MYBBP1A: variants seen among roughly 807,000 people sequenced by gnomAD.
MYBBP1A encodes the protein MYB binding protein 1a.
MYBBP1A carries 147 observed loss-of-function variants against 136.3 expected under a neutral mutation model. The ratio of observed to expected loss-of-function variants is 1.08; its 90% confidence interval spans 0.94 to 1.24. MYBBP1A has a LOEUF of 1.24. Ranked by LOEUF, MYBBP1A falls within the 50% of genes most tolerant of loss-of-function variation. The probability of loss-of-function intolerance (pLI) is 0.00; values close to 1 mark genes in which losing one functional copy is unlikely to be tolerated. For missense variants in MYBBP1A, 2,060 were observed against 1,727.4 expected, an observed-to-expected ratio of 1.19 and a Z score of -3.41; for synonymous variants, 947 against 735.8, an observed-to-expected ratio of 1.29 and a Z score of -4.65.
chr17:4,541,384 G>T, intron 24 of MYBBP1A, 79 bp downstream of exon 24: 2 of 1,257,398 alleles, frequency 1.6e-6, no homozygotes, highest in Non-Finnish European at 1.2e-6. Flanking sequence ...TCCAGCCCGG[G>T]CATGGCACTG....
At position 4,545,294 on chromosome 17, in the gene MYBBP1A, C is replaced by T; in HGVS notation, c.2125G>A (p.Asp709Asn). Residue 709 changes from aspartate to asparagine, a missense_variant, in exon 16 of 26, where the codon GAC (aspartate) becomes AAC (asparagine). Asp to Asn is a conservative substitution (Grantham distance 23, BLOSUM62 1). Coordinates refer to ENST00000254718, the MANE Select transcript of MYBBP1A (RefSeq NM_014520.4). ...TTCAGCCGCCGCTCATCAGAATCGT[C>T]CGTCACCACCACACGGTCATTCTCA... is the stretch of plus-strand genomic sequence containing the variant. ...EDENDRVVVTDDSDERRLKGA... is the reference protein window; with the variant it reads ...EDENDRVVVTNDSDERRLKGA... 6.2e-7 allele frequency: 1 copy of T among 1,613,192 alleles called. No homozygotes were observed. Among genetic ancestry groups the T allele is most frequent in the African/African-American group, 1.3e-5 (1 of 74,870 alleles).
chr17:4,555,055 C>A (rs928885187), intron 1 of MYBBP1A, 72 bp downstream of exon 1: 12 of 1,580,470 alleles, frequency 7.6e-6, no homozygotes, highest in Non-Finnish European at 9.5e-6. Flanking sequence ...CCCCCAGTCT[C>A]AACTCCCTGG....
In MYBBP1A at chr17:4,555,217, C is replaced by T. The variant is rs769780575; in HGVS notation, c.108G>A (p.Leu36=). 4.3e-6 allele frequency: 7 copies of T among 1,611,746 alleles called. No homozygotes were observed. The highest frequency in any genetic ancestry group is 5.9e-6 in the Non-Finnish European group (7 of 1,179,374). ...YGLLKHSREF[L]DFFWDIAKPE... ...GCTTCGCAATGTCCCAGAAGAAGTC[C>T]AAGAACTCGCGACTGTGCTTCAATA... The change falls in exon 1 of 26, where the codon TTG becomes TTA. Residue 36 remains leucine, a synonymous_variant. Coordinates refer to ENST00000254718, the MANE Select transcript of MYBBP1A (RefSeq NM_014520.4).
chr17:4,540,212 G>T, intron 25 of MYBBP1A, 136 bp downstream of exon 25: 1 of 1,305,058 alleles, frequency 7.7e-7, no homozygotes, highest in Non-Finnish European at 1.0e-6. Flanking sequence ...GAATGCGCTT[G>T]AGTGCATGTG....
chr17:4,548,019 G>T lies in MYBBP1A; in HGVS notation c.1763C>A (p.Ala588Glu). The T allele has an allele frequency of 6.5e-7, 1 of 1,549,176 alleles. No individual in the cohort carries two copies. Residue 588 changes from alanine to glutamate, a missense_variant, in exon 13 of 26, where the codon GCA (alanine) becomes GAA (glutamate). By Grantham distance (107) the Ala-to-Glu change is moderately radical. Transcript: ENST00000254718. This position sits in a 1 kb window ranked among gnomAD's most constrained non-coding sequence, Gnocchi z 4.2. Reference sequence around the variant, plus strand: ...CTGGAAGGCAGCAGCCCTGGCCTCTGCGGAGTGGGCCTCCAGCTCCTTCAG... The same window carrying T: ...CTGGAAGGCAGCAGCCCTGGCCTCTTCGGAGTGGGCCTCCAGCTCCTTCAG... ...QTLKELEAHS[A>E]EARAAAFQHL...
In MYBBP1A at chr17:4,541,894, G is replaced by T. The variant is rs774746004; in HGVS notation, c.3088-3C>A. 2 of 1,612,144 alleles carry T rather than the reference G, an allele frequency of 1.2e-6. No homozygotes were observed. The highest frequency in any genetic ancestry group is 2.7e-5 in the African/African-American group (2 of 74,930). ...GTCTTCTGGAGCAGCAGGCAGGCCTGTGGGTGGGCAAAGGTGGGTGGCAGG... is the reference window on the plus strand; with the variant it reads ...GTCTTCTGGAGCAGCAGGCAGGCCTTTGGGTGGGCAAAGGTGGGTGGCAGG... On this transcript the variant is annotated splice_polypyrimidine_tract_variant and splice_region_variant and intron_variant, in intron 22 of 25. Transcript: ENST00000254718.
In MYBBP1A at chr17:4,550,116, A is replaced by G; in HGVS notation, c.1261T>C (p.Ser421Pro). Residue 421 changes from serine (S) to proline (P), a missense_variant, in exon 9 of 26, where the codon TCC becomes CCC. Transcript: ENST00000254718. ...RAMFLQPDLD[S>P]LVDFSTNNQK... ...TTGTTGGTGCTGAAGTCAACCAAGG[A>G]GTCCAGGTCTGGCTGGAGAAACATG... 6.2e-7 allele frequency: 1 copy of G among 1,614,030 alleles called. No homozygotes were observed. The highest frequency in any genetic ancestry group is 8.5e-7 in the Non-Finnish European group (1 of 1,180,002).
chr17:4,549,273 G>T (rs1385763403), intron 10 of MYBBP1A, 59 bp downstream of exon 10: 9 of 1,527,450 alleles, frequency 5.9e-6, no homozygotes, highest in Non-Finnish European at 8.0e-6. Flanking sequence ...GACGAGTTAA[G>T]GGGCCCCATT....
chr17:4,553,645 A>C (rs192220700), intron 5 of MYBBP1A, among the ~76,000 whole-genome samples, 165 bp downstream of exon 5: 1 of 152,370 alleles, frequency 6.6e-6, no homozygotes, highest in Admixed American at 6.5e-5. Context: ...ATGTTACTAA[A>C]TGACACCTGT....
chr17:4,554,806 A>G, intron 2 of MYBBP1A, 55 bp downstream of exon 2: 1 of 1,558,024 alleles, frequency 6.4e-7, no homozygotes, highest in Non-Finnish European at 8.8e-7. Context: ...CGCCCTCCTC[A>G]TACCCCACCA....
chr17:4,544,702 G>T (rs1567606891), intron 18 of MYBBP1A, 49 bp downstream of exon 18: 15 of 1,504,080 alleles, frequency 1.0e-5, no homozygotes, highest in Admixed American at 2.1e-5. Context: ...GGAGGCGGGG[G>T]TGGGCGCACA....
chr17:4,545,799 C>G, intron 14 of MYBBP1A, 38 bp from the exon 15 acceptor site: 1 of 1,608,750 alleles, frequency 6.2e-7, no homozygotes, highest in Non-Finnish European at 8.5e-7. Flanking sequence ...TAGGGGACCG[C>G]TGGCCCCACC....
chr17:4,542,497 C>T lies in MYBBP1A; in HGVS notation c.3054G>A (p.Gln1018=). 2 of 1,612,128 alleles carry T rather than the reference C, an allele frequency of 1.2e-6. No individual in the cohort carries two copies. The highest frequency in any genetic ancestry group is 1.7e-6 in the Non-Finnish European group (2 of 1,178,788). ...LCQSLLPILV[Q]HITGPVRPRH... The stretch of plus-strand genomic sequence containing the variant: ...GGGGCCGCACCGGGCCCGTGATATG[C>T]TGGACCAGGATGGGGAGCAGGCTCT... The change falls in exon 22 of 26, where the codon CAG becomes CAA. Residue 1018 remains glutamine (Q), a synonymous_variant. Coordinates refer to ENST00000254718, the MANE Select transcript of MYBBP1A (RefSeq NM_014520.4).
At position 4,552,348 on chromosome 17, in the gene MYBBP1A, A is replaced by G; in HGVS notation, c.738-56T>C. ...TGCCTCACAGGCAAGGGCCAGGGTG[A>G]CAAGAGCAGCCGGGACACCCCCAGG... On this transcript the variant is annotated intron_variant, in intron 6 of 25. Coordinates refer to ENST00000254718, the MANE Select transcript of MYBBP1A (RefSeq NM_014520.4). This position sits in a 1 kb window ranked among gnomAD's most constrained non-coding sequence, Gnocchi z 4.7. 6.2e-7 allele frequency: 1 copy of G among 1,608,582 alleles called. No homozygotes were observed. Among genetic ancestry groups the G allele is most frequent in the East Asian group, 2.2e-5 (1 of 44,822 alleles).
chr17:4,545,529 G>A, intron 15 of MYBBP1A, 81 bp downstream of exon 15: 2 of 1,521,568 alleles, frequency 1.3e-6, no homozygotes, highest in Non-Finnish European at 1.8e-6. Context: ...AGGGAGGCTG[G>A]AGGCTGAAGC....
At chr17:4,547,038 AG>A (rs1473138067) in intron 13 of MYBBP1A, among the ~76,000 whole-genome samples, 1 of 151,620 alleles carries the variant, frequency 6.6e-6, no homozygotes, top group Non-Finnish European at 1.5e-5. Context: ...CACCCTCCTG[AG>A]TAGCTGGGAT....
At chr17:4,549,994 C>T (rs1043559367) in intron 9 of MYBBP1A, 64 bp downstream of exon 9, 14 of 1,530,562 alleles carry the variant, frequency 9.1e-6, no homozygotes, top group East Asian at 2.3e-5. Flanking sequence ...GCTTGGGTCG[C>T]GGGGCTCTGC....
At chr17:4,549,290 C>A (rs757135592) in intron 10 of MYBBP1A, 42 bp downstream of exon 10, 2 of 1,584,076 alleles carry the variant, frequency 1.3e-6, no homozygotes. Context: ...CATTCCTTGG[C>A]CACACGCCCA....
chr17:4,540,158 C>CCCCTGGGTCCTGCGAGGGTCCTGCGAGGG (rs1278811291), intron 25 of MYBBP1A, among the ~76,000 whole-genome samples, 190 bp downstream of exon 25: 1 of 124,976 alleles, frequency 8.0e-6, no homozygotes, highest in Non-Finnish European at 1.6e-5. Context: ...TCCTGCGAGG[C>CCCCTGGGTCCTGCGAGGGTCCTGCGAGGG]TCCTGCGAGG....
Sources: allele counts gnomAD v4.1 joint callset (sites outside exome capture counted in the v4.1 genomes callset), GRCh38; gene constraint gnomAD v4.1.1; non-coding constraint Gnocchi (gnomAD v3.1); transcripts MANE v1.5; gene names NCBI Gene and HGNC (gene_info 2026-07-23, HGNC 2026-07-21).